VPS8: variants seen among roughly 807,000 people sequenced by gnomAD.
The protein encoded by VPS8 is VPS8 subunit of CORVET complex, also known as vacuolar protein sorting-associated protein 8 homolog.
VPS8 carries 129 observed loss-of-function variants against 216.4 expected under a neutral mutation model. The observed-to-expected ratio is 0.60, with a 90% CI of 0.52 to 0.69. The LOEUF (loss-of-function observed/expected upper bound fraction) is 0.69, where lower values mean the gene tolerates loss of function less well. Ranked by LOEUF, VPS8 falls within the 30% of genes least tolerant of loss-of-function variation. VPS8 has a pLI of 0.00. For synonymous variants in VPS8, 571 were observed against 565.4 expected (o/e 1.01, Z -0.14); for missense variants, 1,531 against 1,683.5 (o/e 0.91, Z 1.59).
intron 42 of VPS8, among the ~76,000 whole-genome samples, chr3:184,993,083 TTGTAA>T (rs1453557388): frequency 6.6e-6 from 1 of 152,110 alleles, no homozygotes; most frequent in East Asian, 1.9e-4. Context: ...TAAGAAATAC[TTGTAA>T]TGTGTCACAA....
intron 37 of VPS8, among the ~76,000 whole-genome samples, chr3:184,962,659 T>A (rs1372315509): frequency 6.6e-6 from 1 of 152,016 alleles, no homozygotes; most frequent in Non-Finnish European, 1.5e-5. Flanking sequence ...TCCAATTTAT[T>A]ATGGCACATC....
intron 36 of VPS8, among the ~76,000 whole-genome samples, chr3:184,953,168 C>T (rs771771025): frequency 3.3e-5 from 5 of 152,184 alleles, no homozygotes; most frequent in Non-Finnish European, 7.4e-5. Flanking sequence ...AGTGAGAGAA[C>T]GGAGGGCATT....
intron 42 of VPS8, among the ~76,000 whole-genome samples, chr3:184,990,731 T>C (rs1424116114): frequency 1.3e-5 from 2 of 152,206 alleles, no homozygotes; most frequent in African/African-American, 2.4e-5. Context: ...AAGGCGTTTC[T>C]CATACCCACC....
intron 45 of VPS8, among the ~76,000 whole-genome samples, chr3:185,009,396 GAC>G (rs1349242555): frequency 2.6e-5 from 4 of 151,956 alleles, no homozygotes; most frequent in Admixed American, 2.0e-4. Flanking sequence ...ATTAAACTGA[GAC>G]ACATTAAAAA....
At chr3:185,001,785 C>T (rs1753460274) in intron 45 of VPS8, among the ~76,000 whole-genome samples, 1 of 152,198 alleles carries the variant, frequency 6.6e-6, no homozygotes, top group African/African-American at 2.4e-5. Context: ...CTCCAGCCAG[C>T]AGTCATCTTA....
intron 46 of VPS8, among the ~76,000 whole-genome samples, chr3:185,025,636 GACTGT>G (rs1757238287): frequency 3.3e-5 from 5 of 152,226 alleles, no homozygotes. Flanking sequence ...CTGAGGCAAT[GACTGT>G]TGATACTTAG....
intron 25 of VPS8, among the ~76,000 whole-genome samples, chr3:184,911,123 G>A (rs1189157096): frequency 6.6e-6 from 1 of 152,190 alleles, no homozygotes; most frequent in African/African-American, 2.4e-5. Flanking sequence ...ATGAAAAGTT[G>A]TCTAAAAGAA....
intron 36 of VPS8, among the ~76,000 whole-genome samples, chr3:184,943,794 A>G (rs1743156549): frequency 6.6e-6 from 1 of 152,216 alleles, no homozygotes; most frequent in Non-Finnish European, 1.5e-5. Context: ...TAGTTTATGC[A>G]TATTTAATTT....
intron 21 of VPS8, among the ~76,000 whole-genome samples, chr3:184,878,977 TCA>T (rs549901701): frequency 2.9e-3 from 444 of 152,330 alleles, no homozygotes; most frequent in African/African-American, 0.01. Flanking sequence ...TGAATCATTT[TCA>T]CACAGTCAAG....
intron 29 of VPS8, among the ~76,000 whole-genome samples, chr3:184,922,729 G>A (rs1738852663): frequency 6.6e-6 from 1 of 152,060 alleles, no homozygotes; most frequent in African/African-American, 2.4e-5. Flanking sequence ...GTGAGAGGAG[G>A]AGTATAGGCA....
chr3:185,048,214 G>A (rs1713373206), intron 46 of VPS8, among the ~76,000 whole-genome samples: 1 of 152,206 alleles, frequency 6.6e-6, no homozygotes, highest in Admixed American at 6.5e-5. Context: ...AACCTGAAAG[G>A]AACCTATACA....
intron 45 of VPS8, among the ~76,000 whole-genome samples, chr3:185,016,795 G>A (rs896064664): frequency 3.3e-5 from 5 of 152,162 alleles, no homozygotes; most frequent in East Asian, 1.9e-4. Context: ...CTATGTGTCC[G>A]TTTTCTAATT....
At chr3:184,945,012 A>G (rs963669515) in intron 36 of VPS8, among the ~76,000 whole-genome samples, 4 of 152,026 alleles carry the variant, frequency 2.6e-5, no homozygotes, top group African/African-American at 9.7e-5. Flanking sequence ...GAGTGCCTAC[A>G]GTGGCCAAGG....
chr3:185,032,381 GAT>G (rs1758299010), intron 46 of VPS8, among the ~76,000 whole-genome samples: 1 of 152,126 alleles, frequency 6.6e-6, no homozygotes, highest in South Asian at 2.1e-4. Flanking sequence ...GGGTCTCAGA[GAT>G]CACACAGAAA....
Position 184,940,274 on chromosome 3 carries a change from A to ATATG in VPS8, c.3035+34_3035+35insGTAT. ...TTGACAAACTTTAGTCTTTCATTAT[A>ATATG]TATATATATATATATGAGAAATAAA... is the stretch of plus-strand genomic sequence containing the variant. On this transcript the variant is annotated intron_variant, in intron 36 of 47. Coordinates refer to ENST00000625842, the MANE Select transcript of VPS8 (RefSeq NM_001009921.3). 2.5e-5 allele frequency: 20 copies of ATATG among 793,764 alleles called. 1 individual carries two copies. Among genetic ancestry groups the ATATG allele is most frequent in the Non-Finnish European group, 3.4e-5 (20 of 582,766 alleles). The allele number at this position is 793,764 out of a possible 1,614,324, so 49.2% of individuals were successfully genotyped here.
chr3:184,833,360 A>G (rs1720407299), intron 4 of VPS8, among the ~76,000 whole-genome samples: 1 of 152,178 alleles, frequency 6.6e-6, no homozygotes, highest in East Asian at 1.9e-4. Flanking sequence ...CTATAAATAC[A>G]TTATTGAATT....
intron 36 of VPS8, among the ~76,000 whole-genome samples, chr3:184,952,257 A>G (rs188113303): frequency 6.7e-6 from 1 of 148,924 alleles, no homozygotes; most frequent in Non-Finnish European, 1.5e-5. Flanking sequence ...GATTCCTCTG[A>G]TAATAAGATA....
intron 45 of VPS8, among the ~76,000 whole-genome samples, chr3:185,007,178 C>T (rs1231623473): frequency 1.3e-5 from 2 of 152,216 alleles, no homozygotes; most frequent in African/African-American, 4.8e-5. Context: ...TTATCTCCCC[C>T]TCTTCCTCCT....
At chr3:185,010,054 G>GCTCACA (rs1380471470) in intron 45 of VPS8, among the ~76,000 whole-genome samples, 4 of 146,436 alleles carry the variant, frequency 2.7e-5, no homozygotes, top group Non-Finnish European at 3.0e-5. Context: ...GACTCACAAA[G>GCTCACA]AGCCAGAAAT....
Sources: allele counts gnomAD v4.1 joint callset (sites outside exome capture counted in the v4.1 genomes callset), GRCh38; gene constraint gnomAD v4.1.1; transcripts MANE v1.5; gene names NCBI Gene and HGNC (gene_info 2026-07-23, HGNC 2026-07-21).